The following CSMD1 variants were observed in gnomAD, a reference collection of about 807,000 sequenced individuals.
CSMD1 encodes CUB and sushi domain-containing protein 1.
CSMD1 carries 213 observed loss-of-function variants against 417.5 expected under a neutral mutation model. The ratio of observed to expected loss-of-function variants is 0.51; its 90% confidence interval spans 0.46 to 0.57. The LOEUF (loss-of-function observed/expected upper bound fraction) is 0.57. Among genes scored for constraint, CSMD1 ranks in the 20% least tolerant of loss-of-function variants. CSMD1 has a pLI of 0.00. For missense variants in CSMD1, 6,923 were observed against 4,529.7 expected (o/e 1.53, Z -15.17); for synonymous variants, 2,862 against 1,736.8 (o/e 1.65, Z -16.11).
At chr8:4,890,573 C>G (rs575875258) in intron 1 of CSMD1, among the ~76,000 whole-genome samples, 19 of 148,522 alleles carry the variant, frequency 1.3e-4, no homozygotes, top group African/African-American at 4.7e-4. Context: ...CATGGGCATC[C>G]TGGGCAGGAC....
At chr8:4,147,856 G>A (rs866154980) in intron 3 of CSMD1, among the ~76,000 whole-genome samples, 2 of 152,070 alleles carry the variant, frequency 1.3e-5, no homozygotes, top group African/African-American at 4.8e-5. Flanking sequence ...GTCTGGAAAT[G>A]GTAGCTGAGC....
At chr8:3,115,071 G>A (rs1000076359) in intron 42 of CSMD1, among the ~76,000 whole-genome samples, 3 of 151,902 alleles carry the variant, frequency 2.0e-5, no homozygotes, top group African/African-American at 7.3e-5. Flanking sequence ...TGATTAATTA[G>A]GTCAGCAAAA....
At chr8:3,957,890 A>G (rs992555902) in intron 5 of CSMD1, among the ~76,000 whole-genome samples, 15 of 152,208 alleles carry the variant, frequency 9.9e-5, no homozygotes, top group Admixed American at 2.0e-4. Flanking sequence ...CTATCGCTGT[A>G]TAATAATCTC....
At chr8:3,426,921 G>T (rs1813880589) in intron 12 of CSMD1, among the ~76,000 whole-genome samples, 1 of 152,142 alleles carries the variant, frequency 6.6e-6, no homozygotes, top group Admixed American at 6.5e-5. Context: ...AGCTGGGGAG[G>T]CCTCAGGAAA....
chr8:3,468,868 G>T (rs369229818), intron 11 of CSMD1, 44 bp from the exon 12 acceptor site: 31 of 1,297,120 alleles, frequency 2.4e-5, no homozygotes, highest in Non-Finnish European at 3.4e-5. Context: ...AAGGCAACAA[G>T]TACATCGACT....
chr8:3,659,819 T>A (rs1383237820), intron 7 of CSMD1, among the ~76,000 whole-genome samples: 3 of 152,176 alleles, frequency 2.0e-5, no homozygotes, highest in African/African-American at 7.2e-5. Context: ...CCATTCGGCA[T>A]AAAATGACAT....
rs1468211292 is a variant in CSMD1 at position 4,779,654 on chromosome 8, A to G, written c.86-142096T>C. On this transcript the variant is annotated intron_variant, in intron 1 of 69. Transcript: ENST00000635120. ...GCTTCTCTGGCAAGCTGGCTTTAGC[A>G]TTTTTATAAATAGTCTCCATTGCAA... 3.9e-5 allele frequency among the ~76,000 whole-genome samples: 6 copies of G among 152,180 alleles called. No homozygotes were observed. In the South Asian group the frequency reaches 6.2e-4, roughly 16 times the overall value.
intron 10 of CSMD1, among the ~76,000 whole-genome samples, chr8:3,532,731 T>C (rs1798033774): frequency 6.6e-6 from 1 of 152,238 alleles, no homozygotes; most frequent in Non-Finnish European, 1.5e-5. Flanking sequence ...ACTTTCAGTA[T>C]GTCATATCTA....
At chr8:4,827,154 G>A (rs996586095) in intron 1 of CSMD1, among the ~76,000 whole-genome samples, 2 of 151,978 alleles carry the variant, frequency 1.3e-5, no homozygotes, top group Non-Finnish European at 1.5e-5. Context: ...AAAGAAAACA[G>A]GTATACTAGC....
At chr8:4,661,435 G>A (rs78744529) in intron 1 of CSMD1, among the ~76,000 whole-genome samples, 3 of 152,124 alleles carry the variant, frequency 2.0e-5, no homozygotes, top group Admixed American at 1.3e-4. Context: ...TTTTTGAAGT[G>A]ACAAAAATAT....
chr8:4,105,428 C>G (rs1009364342), intron 3 of CSMD1, among the ~76,000 whole-genome samples: 3 of 151,990 alleles, frequency 2.0e-5, no homozygotes, highest in Non-Finnish European at 4.4e-5. Context: ...AGCATGGACA[C>G]TGGTTAAACT....
At chr8:4,648,163 T>A (rs1803654306) in intron 1 of CSMD1, among the ~76,000 whole-genome samples, 1 of 152,244 alleles carries the variant, frequency 6.6e-6, no homozygotes, top group Non-Finnish European at 1.5e-5. Context: ...TCTCTGATTA[T>A]CAGTGATGTT....
At chr8:3,758,804 G>T (rs1389287392) in intron 5 of CSMD1, among the ~76,000 whole-genome samples, 2 of 152,142 alleles carry the variant, frequency 1.3e-5, no homozygotes, top group Admixed American at 1.3e-4. Context: ...GGACTTTGCA[G>T]AACAATGCGC....
chr8:4,958,655 T>C (rs1809278936), intron 1 of CSMD1, among the ~76,000 whole-genome samples: 1 of 152,212 alleles, frequency 6.6e-6, no homozygotes, highest in Non-Finnish European at 1.5e-5. Flanking sequence ...CCAGTCTTTC[T>C]GGTTTTGTGA....
At chr8:3,888,598 T>A (rs1450734807) in intron 5 of CSMD1, among the ~76,000 whole-genome samples, 1 of 152,168 alleles carries the variant, frequency 6.6e-6, no homozygotes, top group African/African-American at 2.4e-5. Flanking sequence ...CCCAGCTGCA[T>A]AATCTAACAA....
At chr8:4,887,582 T>G (rs1393275347) in intron 1 of CSMD1, among the ~76,000 whole-genome samples, 1 of 152,074 alleles carries the variant, frequency 6.6e-6, no homozygotes, top group Non-Finnish European at 1.5e-5. Context: ...CACCAACCAT[T>G]ATTTTAATCT....
chr8:3,304,651 G>A (rs117053545), intron 25 of CSMD1, among the ~76,000 whole-genome samples: 49 of 152,094 alleles, frequency 3.2e-4, no homozygotes, highest in Non-Finnish European at 4.3e-4. Context: ...TGAAATATAC[G>A]TATACGAAGA....
At chr8:3,455,045 G>C (rs199571880) in intron 12 of CSMD1, among the ~76,000 whole-genome samples, 2 of 151,896 alleles carry the variant, frequency 1.3e-5, no homozygotes, top group African/African-American at 2.4e-5. Context: ...TTCTCCTCTC[G>C]CTTCATTTCA....
chr8:4,305,504 C>A (rs1798197014), intron 3 of CSMD1, among the ~76,000 whole-genome samples: 1 of 152,176 alleles, frequency 6.6e-6, no homozygotes, highest in African/African-American at 2.4e-5. Flanking sequence ...ACTGCTTTCC[C>A]TGAGGGCAGA....
Sources: gnomAD v4.1 joint callset for allele counts (sites outside exome capture counted in the v4.1 genomes callset) on GRCh38, gnomAD v4.1.1 for gene constraint, MANE v1.5 for transcripts, NCBI Gene and HGNC (gene_info 2026-07-23, HGNC 2026-07-21) for gene names.